The following CEP126 variants were observed in gnomAD, a reference collection of about 807,000 sequenced individuals.
CEP126 encodes centrosomal protein 126, also known as centrosomal protein of 126 kDa.
CEP126 carries 74 observed loss-of-function variants against 107.8 expected under a neutral mutation model. The ratio of observed to expected loss-of-function variants is 0.69; its 90% confidence interval spans 0.57 to 0.83. The LOEUF (loss-of-function observed/expected upper bound fraction) is 0.83, where lower values mean the gene tolerates loss of function less well. Among genes scored for constraint, CEP126 ranks in the 40% least tolerant of loss-of-function variants. The pLI is 0.00. For synonymous variants in CEP126, 449 were observed against 446.0 expected (o/e 1.01, Z -0.08); for missense variants, 1,237 against 1,281.9 (o/e 0.96, Z 0.53).
chr11:101,970,191 T>C (rs1048507409), intron 6 of CEP126, among the ~76,000 whole-genome samples: 2 of 152,174 alleles, frequency 1.3e-5, no homozygotes, highest in East Asian at 1.9e-4. Context: ...CCAGAAGATA[T>C]AAAGAACCCA....
chr11:101,997,266 G>A lies in CEP126; in HGVS notation c.3310-333G>A, dbSNP rs189813780. ...TTGGCCAGGCAGGTCTCGAACTCCC[G>A]ACTTCGTGATCCGCCTGCCTCGGCC... On this transcript the variant is annotated intron_variant, in intron 10 of 10. Transcript: ENST00000263468. Among the ~76,000 whole-genome samples, 669 of 152,298 alleles carry A rather than the reference G, an allele frequency of 4.4e-3. 4 individuals carry two copies. The highest frequency in any genetic ancestry group is 7.7e-3 in the Non-Finnish European group (521 of 68,030).
At chr11:101,950,317 T>A (rs969859637) in intron 4 of CEP126, among the ~76,000 whole-genome samples, 1 of 152,190 alleles carries the variant, frequency 6.6e-6, no homozygotes, top group Admixed American at 6.5e-5. Flanking sequence ...AAGAGATGTA[T>A]GGCCAATATA....
chr11:101,930,558 C>G (rs1477364853), intron 2 of CEP126, among the ~76,000 whole-genome samples: 1 of 152,154 alleles, frequency 6.6e-6, no homozygotes, highest in East Asian at 1.9e-4. Context: ...AACAAAACCT[C>G]CACACCATGG....
chr11:101,990,255 C>T (rs1941362812), intron 9 of CEP126, among the ~76,000 whole-genome samples: 1 of 152,148 alleles, frequency 6.6e-6, no homozygotes, highest in Admixed American at 6.5e-5. Context: ...AAGAGAAACC[C>T]TTCCTCAGTA....
intron 8 of CEP126, among the ~76,000 whole-genome samples, chr11:101,985,573 G>A (rs1338485074): frequency 6.6e-6 from 1 of 152,020 alleles, no homozygotes; most frequent in East Asian, 1.9e-4. Flanking sequence ...ATGAGCCACC[G>A]CATCCAGCTG....
chr11:101,935,682 TATACTA>T (rs1940567241), intron 2 of CEP126, among the ~76,000 whole-genome samples: 1 of 152,150 alleles, frequency 6.6e-6, no homozygotes, highest in Non-Finnish European at 1.5e-5. Flanking sequence ...TGTTTACTCT[TATACTA>T]ATACTACATT....
At chr11:101,994,123 T>G (rs537364140) in intron 10 of CEP126, among the ~76,000 whole-genome samples, 1 of 152,166 alleles carries the variant, frequency 6.6e-6, no homozygotes, top group Admixed American at 6.5e-5. Context: ...TAGTCCCAAC[T>G]ACTCAGGAGG....
intron 2 of CEP126, among the ~76,000 whole-genome samples, chr11:101,943,233 C>G (rs1940689796): frequency 6.6e-6 from 1 of 152,004 alleles, no homozygotes; most frequent in African/African-American, 2.4e-5. Context: ...ACCTCTGGTG[C>G]TACATCACTA....
intron 5 of CEP126, among the ~76,000 whole-genome samples, chr11:101,958,979 A>T (rs1280547217): frequency 2.0e-5 from 3 of 152,194 alleles, no homozygotes; most frequent in Non-Finnish European, 4.4e-5. Context: ...AACTGCTTGT[A>T]GACATGGGTC....
intron 2 of CEP126, among the ~76,000 whole-genome samples, chr11:101,933,953 G>A (rs554666806): frequency 3.3e-5 from 5 of 152,092 alleles, no homozygotes; most frequent in Non-Finnish European, 5.9e-5. Flanking sequence ...TCTGCTTACA[G>A]CTTCTGTTTT....
chr11:101,963,303 A>G lies in CEP126; in HGVS notation c.2268A>G (p.Ile756Met). ...QGKPQRGRAK[I>M]IRKPGSAKVQ... ...AGCCACAAAGAGGTAGAGCAAAAAT[A>G]ATTAGAAAACCAGGATCTGCAAAAG... The change falls in exon 6 of 11, where the codon ATA becomes ATG. Residue 756 changes from isoleucine to methionine, a missense_variant. Coordinates refer to ENST00000263468, the MANE Select transcript of CEP126 (RefSeq NM_020802.4). The G allele has an allele frequency of 6.2e-7, 1 of 1,613,986 alleles. No homozygotes were observed. The highest frequency in any genetic ancestry group is 8.5e-7 in the Non-Finnish European group (1 of 1,179,994).
intron 6 of CEP126, among the ~76,000 whole-genome samples, chr11:101,976,979 T>A (rs1156389044): frequency 6.6e-6 from 1 of 152,172 alleles, no homozygotes; most frequent in African/African-American, 2.4e-5. Context: ...TAATAAAAAT[T>A]TTGAACACAT....
At position 101,915,204 on chromosome 11, in the gene CEP126, G is replaced by T; in HGVS notation, c.-81G>T. The T allele has an allele frequency of 5.7e-6, 9 of 1,583,100 alleles. No homozygotes were observed. Among genetic ancestry groups the T allele is most frequent in the Non-Finnish European group, 7.7e-6 (9 of 1,163,216 alleles). Reference sequence around the variant, plus strand: ...CCTGAGAGACGGAGTGTAGGGAGGGGCCGAGCAGGAGGAGGAGGAAGCCGG... The same window carrying T: ...CCTGAGAGACGGAGTGTAGGGAGGGTCCGAGCAGGAGGAGGAGGAAGCCGG... On this transcript the variant is annotated 5_prime_UTR_variant, in exon 1 of 11. Transcript: ENST00000263468.
chr11:101,973,261 A>C (rs1418415492), intron 6 of CEP126, among the ~76,000 whole-genome samples: 1 of 152,222 alleles, frequency 6.6e-6, no homozygotes, highest in Admixed American at 6.5e-5. Context: ...TAAACTTTTT[A>C]ATGTTTTTCA....
Position 101,983,546 on chromosome 11 carries a change from G to A in CEP126, c.3034+1582G>A, listed in dbSNP as rs181091325. ...AGAACCATGAATATTCAACAGGCTG[G>A]TTATAGAAATTTAAGACACAGCATT... On this transcript the variant is annotated intron_variant, in intron 8 of 10. Coordinates refer to ENST00000263468, the MANE Select transcript of CEP126 (RefSeq NM_020802.4). Among the ~76,000 whole-genome samples the A allele has an allele frequency of 3.3e-5, 5 of 152,304 alleles. No homozygotes were observed. In the East Asian group the frequency reaches 7.7e-4, roughly 23 times the overall value.
intron 7 of CEP126, among the ~76,000 whole-genome samples, chr11:101,978,817 G>A (rs1031554852): frequency 6.6e-6 from 1 of 152,120 alleles, no homozygotes; most frequent in Non-Finnish European, 1.5e-5. Context: ...AAGTAAATTA[G>A]AGACCTGGAT....
intron 9 of CEP126, 27 bp downstream of exon 9, chr11:101,987,068 A>G: frequency 3.6e-6 from 5 of 1,403,270 alleles, no homozygotes; most frequent in Non-Finnish European, 5.0e-6. Flanking sequence ...ACCTTTTATA[A>G]GAAATACTGC....
rs748720544 is a variant in CEP126, at chr11:101,958,235, T to C, written c.574T>C (p.Ser192Pro). 1.2e-6 allele frequency: 2 copies of C among 1,613,944 alleles called. No homozygotes were observed. The highest frequency in any genetic ancestry group is 8.5e-7 in the Non-Finnish European group (1 of 1,179,914). Residue 192 changes from serine to proline, a missense_variant, in exon 5 of 11, where the codon TCC (serine) becomes CCC (proline). Physicochemically the swap from Ser to Pro is moderately conservative, Grantham distance 74. This residue lies in a region of CEP126 where 1,134 missense variants were observed against 1,150.5 expected (regional missense o/e 0.99). Transcript: ENST00000263468. ...TCACAAGCATCAGAAACAACTCTTATCCAAAATCAATTGTGAGAAAGAAAT... is the reference window on the plus strand; with the variant it reads ...TCACAAGCATCAGAAACAACTCTTACCCAAAATCAATTGTGAGAAAGAAAT... ...NDHKHQKQLL[S>P]KINCEKEMNE...
At chr11:101,958,044 T>C (rs1172613361) in intron 4 of CEP126, 124 bp from the exon 5 acceptor site, 1 of 773,454 alleles carries the variant, frequency 1.3e-6, no homozygotes, top group Non-Finnish European at 2.1e-6. Flanking sequence ...ATTTCTCCAA[T>C]ATCCTTATAT....
Sources: gnomAD v4.1 joint callset for allele counts (sites outside exome capture counted in the v4.1 genomes callset) on GRCh38, gnomAD v4.1.1 for gene constraint, gnomAD v4.1.1 regional missense constraint, MANE v1.5 for transcripts, NCBI Gene and HGNC (gene_info 2026-07-23, HGNC 2026-07-21) for gene names.